EMP1: variants seen among roughly 807,000 people sequenced by gnomAD.
EMP1 encodes the protein epithelial membrane protein 1.
Under a neutral mutation model 15.7 loss-of-function variants are expected in EMP1, and 5 were observed. The observed-to-expected ratio is 0.32, with a 90% CI of 0.17 to 0.67. The LOEUF (loss-of-function observed/expected upper bound fraction) is 0.67, where lower values mean the gene tolerates loss of function less well. EMP1 is among the 30% of genes least tolerant of loss of function. The pLI is 0.74. For missense variants in EMP1, 166 were observed against 194.2 expected (o/e 0.85, Z 0.86); for synonymous variants, 78 against 76.7 (o/e 1.02, Z -0.09).
chr12:13,206,416 G>A (rs1864110888), intron 1 of EMP1, among the ~76,000 whole-genome samples: 1 of 152,146 alleles, frequency 6.6e-6, no homozygotes, highest in African/African-American at 2.4e-5. Flanking sequence ...TGAGCCCTGA[G>A]GGCCTCCCCC....
chr12:13,211,450 C>A lies in EMP1; in HGVS notation c.-42-19C>A. ...GAATCTGACAGTAACCGTTTTTGTC[C>A]CTTTCTTTTTCTTTTCAGAACTCTC... On this transcript the variant is annotated intron_variant, in intron 1 of 4. Coordinates refer to ENST00000256951, the MANE Select transcript of EMP1 (RefSeq NM_001423.3). This position sits in a 1 kb window ranked among gnomAD's most constrained non-coding sequence, Gnocchi z 4.7. 1 of 1,572,970 alleles carries A rather than the reference C, an allele frequency of 6.4e-7. No individual in the cohort carries two copies. The highest frequency in any genetic ancestry group is 8.7e-7 in the Non-Finnish European group (1 of 1,148,772).
At chr12:13,197,700 G>A (rs1316777804) in intron 1 of EMP1, among the ~76,000 whole-genome samples, 2 of 152,096 alleles carry the variant, frequency 1.3e-5, no homozygotes. Flanking sequence ...GCTTGAATCC[G>A]GGAGATGGTG....
At chr12:13,199,564 G>A (rs1021400805) in intron 1 of EMP1, 1 of 152,186 alleles carries the variant, frequency 6.6e-6, no homozygotes, top group Non-Finnish European at 1.5e-5. Flanking sequence ...CCTTCATTTC[G>A]TTCACAGAAT....
Position 13,218,359 on chromosome 12 carries a change from A to G in EMP1, c.*3668A>G, listed in dbSNP as rs1024594020. 1 of 152,266 alleles carries G rather than the reference A, an allele frequency of 6.6e-6. No homozygotes were observed. Among genetic ancestry groups the G allele is most frequent in the African/African-American group, 2.4e-5 (1 of 41,462 alleles). 9.4% of individuals were successfully genotyped at this position (152,266 alleles called of 1,614,324 possible). ...AAGAAACTCCCTTCAATGTTTACTA[A>G]GAAATAGTTAGAATATAGCATATCC... On this transcript the variant is annotated 3_prime_UTR_variant, in exon 5 of 5. Transcript: ENST00000256951.
intron 2 of EMP1, among the ~76,000 whole-genome samples, chr12:13,213,097 A>T (rs1208982302): frequency 1.3e-5 from 2 of 152,162 alleles, no homozygotes; most frequent in East Asian, 3.9e-4. Context: ...TAAATGAAAC[A>T]ATCTTGTTAG....
intron 1 of EMP1, among the ~76,000 whole-genome samples, chr12:13,205,789 G>A (rs1174603449): frequency 6.6e-6 from 1 of 152,244 alleles, no homozygotes; most frequent in Non-Finnish European, 1.5e-5. Context: ...CTTTTTAGAA[G>A]AGGTAGGATT....
chr12:13,197,271 C>T (rs558581023), intron 1 of EMP1, among the ~76,000 whole-genome samples: 4 of 152,270 alleles, frequency 2.6e-5, no homozygotes, highest in Non-Finnish European at 4.4e-5. Flanking sequence ...TCACCTCCTC[C>T]GTTTTGATTC....
chr12:13,216,703 C>G lies in EMP1; in HGVS notation c.*2012C>G, dbSNP rs573602014. On this transcript the variant is annotated 3_prime_UTR_variant, in exon 5 of 5. Transcript: ENST00000256951. ...CTTCGTTAATAGATTATTTCATATACTATAATTGTAAATATTTTGATACAA... is the reference window on the plus strand; with the variant it reads ...CTTCGTTAATAGATTATTTCATATAGTATAATTGTAAATATTTTGATACAA... 7 of 410,474 alleles carry G rather than the reference C, an allele frequency of 1.7e-5. No homozygotes were observed. Among genetic ancestry groups the G allele is most frequent in the Non-Finnish European group, 2.6e-5 (6 of 233,102 alleles). The allele number at this position is 410,474 out of a possible 1,614,324, so 25.4% of individuals were successfully genotyped here. A position where few individuals can be genotyped will look rare whatever the true frequency, so the allele number is the denominator to read the frequency against.
At position 13,211,440 on chromosome 12, in the gene EMP1, C is replaced by A. The variant is rs1175934882; in HGVS notation, c.-42-29C>A. 2.0e-6 allele frequency: 3 copies of A among 1,523,696 alleles called. No homozygotes were observed. The highest frequency in any genetic ancestry group is 2.3e-5 in the South Asian group (2 of 86,894). The allele number at this position is 1,523,696 out of a possible 1,614,324, so 94.4% of individuals were successfully genotyped here. ...TCGTCTTATTGAATCTGACAGTAAC[C>A]GTTTTTGTCCCTTTCTTTTTCTTTT... is the stretch of plus-strand genomic sequence containing the variant. On this transcript the variant is annotated intron_variant, in intron 1 of 4. Coordinates refer to ENST00000256951, the MANE Select transcript of EMP1 (RefSeq NM_001423.3). This position sits in a 1 kb window ranked among gnomAD's most constrained non-coding sequence, Gnocchi z 4.7.
At chr12:13,200,734 C>T (rs1437495963) in intron 1 of EMP1, among the ~76,000 whole-genome samples, 1 of 152,218 alleles carries the variant, frequency 6.6e-6, no homozygotes, top group South Asian at 2.1e-4. Context: ...AAAGCACAAA[C>T]ACCTGTGGTG....
At chr12:13,209,241 C>G (rs1019539701) in intron 1 of EMP1, 3 of 152,092 alleles carry the variant, frequency 2.0e-5, no homozygotes, top group Non-Finnish European at 4.4e-5. Context: ...TGTTCCTTTC[C>G]CCATAGGGGG....
intron 1 of EMP1, among the ~76,000 whole-genome samples, chr12:13,204,861 T>C (rs368849514): frequency 4.6e-5 from 7 of 152,216 alleles, no homozygotes; most frequent in Admixed American, 3.9e-4. Context: ...CAGGACTGTG[T>C]TATGACTTGA....
intron 1 of EMP1, among the ~76,000 whole-genome samples, chr12:13,197,865 C>T (rs982188555): frequency 4.6e-5 from 7 of 151,934 alleles, no homozygotes; most frequent in African/African-American, 1.2e-4. Flanking sequence ...TTAAATGAAA[C>T]GTGGGAGGGG....
rs139312818 is a variant in EMP1 at position 13,214,716 on chromosome 12, G to T, written c.*25G>T. The T allele has an allele frequency of 3.1e-4, 493 of 1,603,404 alleles. 1 individual carries two copies. The African/African-American group carries it at 6.0e-3, about 20-fold the overall frequency. On this transcript the variant is annotated 3_prime_UTR_variant, in exon 5 of 5. Transcript: ENST00000256951. Reference sequence around the variant, plus strand: ...AGGCCGGACGAGTTCATGGGGATCTGGGGGGTGGGGAGGAGGAAGCCGTTG... The same window carrying T: ...AGGCCGGACGAGTTCATGGGGATCTTGGGGGTGGGGAGGAGGAAGCCGTTG...
At chr12:13,199,549 T>A (rs1864045072) in intron 1 of EMP1, 1 of 152,240 alleles carries the variant, frequency 6.6e-6, no homozygotes, top group Non-Finnish European at 1.5e-5. Flanking sequence ...TCAGTTCCAT[T>A]TCATCCTTCA....
At position 13,213,751 on chromosome 12, in the gene EMP1, C is replaced by T. The variant is rs780084917; in HGVS notation, c.246C>T (p.Phe82=). 2.9e-5 allele frequency: 47 copies of T among 1,614,052 alleles called. No homozygotes were observed. The highest frequency in any genetic ancestry group is 3.6e-5 in the Non-Finnish European group (43 of 1,180,044). ...IIFCVIALLV[F]VFQLFTMEKG... ...TCTGTGTCATTGCCCTCCTGGTCTT[C>T]GTGTTCCAGCTCTTCACCATGGAGA... The change falls in exon 4 of 5, where the codon TTC becomes TTT. Residue 82 remains phenylalanine, a synonymous_variant. Coordinates refer to ENST00000256951, the MANE Select transcript of EMP1 (RefSeq NM_001423.3).
Position 13,207,243 on chromosome 12 carries a change from C to G in EMP1, c.-42-4226C>G, listed in dbSNP as rs533571022. Among the ~76,000 whole-genome samples the G allele has an allele frequency of 9.2e-5, 14 of 152,242 alleles. No individual in the cohort carries two copies. In the East Asian group the frequency reaches 2.7e-3, roughly 29 times the overall value. ...TCTCCTGCCTCAGCCTCCCCAGTAG[C>G]TGGGACTACAGGTGTGCACCACCAC... On this transcript the variant is annotated intron_variant, in intron 1 of 4. Coordinates refer to ENST00000256951, the MANE Select transcript of EMP1 (RefSeq NM_001423.3).
chr12:13,200,922 A>T (rs1278980964), intron 1 of EMP1, among the ~76,000 whole-genome samples: 2 of 152,164 alleles, frequency 1.3e-5, no homozygotes, highest in Admixed American at 6.5e-5. Flanking sequence ...GTTTCTTCAA[A>T]CCGGGTAGTT....
chr12:13,211,829 C>T lies in EMP1; in HGVS notation c.78+241C>T. ...TGGTTAAGGGCTGGAGGATCTAGTGCAGCTTCTTCGGTCTCTAGAAGAGCC... is the reference window on the plus strand; with the variant it reads ...TGGTTAAGGGCTGGAGGATCTAGTGTAGCTTCTTCGGTCTCTAGAAGAGCC... On this transcript the variant is annotated intron_variant, in intron 2 of 4. Coordinates refer to ENST00000256951, the MANE Select transcript of EMP1 (RefSeq NM_001423.3). The surrounding 1 kb of genome is among the most constrained non-coding windows in gnomAD (Gnocchi z 4.7). 3.9e-6 allele frequency: 2 copies of T among 518,780 alleles called. No homozygotes were observed. Among genetic ancestry groups the T allele is most frequent in the South Asian group, 2.3e-5 (1 of 42,822 alleles). The allele number at this position is 518,780 out of a possible 1,614,324, so 32.1% of individuals were successfully genotyped here.
Sources: allele counts gnomAD v4.1 joint callset (sites outside exome capture counted in the v4.1 genomes callset), GRCh38; gene constraint gnomAD v4.1.1; non-coding constraint Gnocchi (gnomAD v3.1); transcripts MANE v1.5; gene names NCBI Gene and HGNC (gene_info 2026-07-23, HGNC 2026-07-21).